The following RBFOX1 variants were observed in gnomAD, a reference collection of about 807,000 sequenced individuals.
RBFOX1 encodes the protein RNA binding fox-1 homolog 1.
Under a neutral mutation model 57.7 loss-of-function variants are expected in RBFOX1, and 8 were observed. That is an observed-to-expected ratio of 0.14 (90% CI 0.08 to 0.25). The LOEUF is 0.25. Among genes scored for constraint, RBFOX1 ranks in the 10% least tolerant of loss-of-function variants. The pLI, the probability that RBFOX1 is intolerant of heterozygous loss-of-function variation, is 1.00. For missense variants in RBFOX1, 611 were observed against 548.5 expected, an observed-to-expected ratio of 1.11 and a Z score of -1.14; for synonymous variants, 326 against 222.4, an observed-to-expected ratio of 1.47 and a Z score of -4.15.
intron 3 of RBFOX1, among the ~76,000 whole-genome samples, chr16:6,792,534 G>A (rs1422098776): frequency 1.3e-5 from 2 of 152,114 alleles, no homozygotes; most frequent in Non-Finnish European, 1.5e-5. Context: ...TCATATAAAG[G>A]TTAAAAATTG....
intron 2 of RBFOX1, among the ~76,000 whole-genome samples, chr16:5,536,424 G>A (rs1162691405): frequency 6.6e-6 from 1 of 151,740 alleles, no homozygotes; most frequent in African/African-American, 2.4e-5. Flanking sequence ...TAGTAGAGAT[G>A]GGATTTCACC....
intron 2 of RBFOX1, among the ~76,000 whole-genome samples, chr16:6,486,825 G>A (rs955470435): frequency 6.6e-6 from 1 of 151,954 alleles, no homozygotes; most frequent in African/African-American, 2.4e-5. Context: ...ATGAGCAGTA[G>A]TCAACAGGAG....
At chr16:6,351,206 C>T (rs1345674441) in intron 2 of RBFOX1, among the ~76,000 whole-genome samples, 1 of 150,478 alleles carries the variant, frequency 6.6e-6, no homozygotes, top group Non-Finnish European at 1.5e-5. Context: ...TTCATGTGTG[C>T]GGATAGTAAA....
At chr16:5,826,525 G>A (rs1422081660) in intron 3 of RBFOX1, among the ~76,000 whole-genome samples, 1 of 152,248 alleles carries the variant, frequency 6.6e-6, no homozygotes, top group East Asian at 1.9e-4. Context: ...TGGCATGAAA[G>A]CAGCCACAGA....
At chr16:7,365,581 G>T (rs1424085343) in intron 4 of RBFOX1, among the ~76,000 whole-genome samples, 1 of 152,194 alleles carries the variant, frequency 6.6e-6, no homozygotes, top group African/African-American at 2.4e-5. Flanking sequence ...CGGGATAGAG[G>T]CCACGGATGT....
chr16:7,627,113 C>T (rs577127484), intron 10 of RBFOX1, among the ~76,000 whole-genome samples: 14 of 143,894 alleles, frequency 9.7e-5, no homozygotes, highest in African/African-American at 3.7e-4. Context: ...CAGGGGAAGC[C>T]CCTCCGCCTC....
intron 2 of RBFOX1, among the ~76,000 whole-genome samples, chr16:6,514,635 G>T (rs989596102): frequency 1.3e-5 from 2 of 152,104 alleles, no homozygotes; most frequent in African/African-American, 4.8e-5. Flanking sequence ...CATGCCCTTT[G>T]TCTGTGTCTC....
intron 4 of RBFOX1, among the ~76,000 whole-genome samples, chr16:5,954,270 C>T (rs1238100800): frequency 1.3e-5 from 2 of 152,178 alleles, no homozygotes; most frequent in African/African-American, 2.4e-5. Context: ...GACCCCCACC[C>T]ACCCACCTCT....
At chr16:5,468,392 C>T (rs550417617) in intron 2 of RBFOX1, among the ~76,000 whole-genome samples, 1 of 152,296 alleles carries the variant, frequency 6.6e-6, no homozygotes, top group African/African-American at 2.4e-5. Flanking sequence ...AGTCTGCATT[C>T]TGTCTCTGTG....
At position 6,728,223 on chromosome 16, in the gene RBFOX1, G is replaced by A. The variant is rs531784342; in HGVS notation, c.-16+73573G>A. 5.3e-5 allele frequency among the ~76,000 whole-genome samples: 8 copies of A among 152,312 alleles called. No individual in the cohort carries two copies. In the East Asian group the frequency reaches 1.2e-3, roughly 22 times the overall value. ...CGGTCATTGTATCACCTTAAGTGAA[G>A]CTTCTGCAGGACTGCTATATTGTGG... On this transcript the variant is annotated intron_variant, in intron 3 of 15. Coordinates refer to ENST00000550418, the MANE Select transcript of RBFOX1 (RefSeq NM_018723.4).
chr16:5,731,150 C>T (rs1390849585), intron 3 of RBFOX1, among the ~76,000 whole-genome samples: 1 of 152,160 alleles, frequency 6.6e-6, no homozygotes, highest in Non-Finnish European at 1.5e-5. Flanking sequence ...CCACCATTAT[C>T]ATTACCATCA....
chr16:5,509,541 G>C (rs984329186), intron 2 of RBFOX1, among the ~76,000 whole-genome samples: 1 of 152,236 alleles, frequency 6.6e-6, no homozygotes, highest in African/African-American at 2.4e-5. Context: ...TGAAGTGGCT[G>C]GCGGCCCAGA....
intron 3 of RBFOX1, among the ~76,000 whole-genome samples, chr16:6,924,729 G>A (rs572677961): frequency 6.0e-5 from 9 of 150,792 alleles, no homozygotes; most frequent in East Asian, 2.0e-4. Flanking sequence ...TGTGCACAAC[G>A]TGCAGGTTTG....
chr16:5,347,451 C>G (rs985413661), intron 1 of RBFOX1, among the ~76,000 whole-genome samples: 1 of 152,110 alleles, frequency 6.6e-6, no homozygotes, highest in African/African-American at 2.4e-5. Context: ...TGACAAAGCA[C>G]TAAATAAGCA....
At chr16:6,841,570 C>T (rs1299434067) in intron 3 of RBFOX1, among the ~76,000 whole-genome samples, 2 of 152,150 alleles carry the variant, frequency 1.3e-5, no homozygotes, top group African/African-American at 4.8e-5. Context: ...GCCCTTTCTC[C>T]TACGAGCTGT....
At chr16:6,610,620 A>G (rs1601459531) in intron 2 of RBFOX1, among the ~76,000 whole-genome samples, 1 of 152,104 alleles carries the variant, frequency 6.6e-6, no homozygotes, top group Non-Finnish European at 1.5e-5. Context: ...GTAAACTACT[A>G]CACCCCACCC....
intron 1 of RBFOX1, among the ~76,000 whole-genome samples, chr16:6,178,817 C>T (rs1598106468): frequency 6.6e-6 from 1 of 152,088 alleles, no homozygotes; most frequent in Non-Finnish European, 1.5e-5. Flanking sequence ...TTAGCAAGGG[C>T]CTGTTTTTCA....
At chr16:7,402,875 C>G (rs539634949) in intron 4 of RBFOX1, among the ~76,000 whole-genome samples, 2 of 152,126 alleles carry the variant, frequency 1.3e-5, no homozygotes, top group Non-Finnish European at 2.9e-5. Context: ...TCATTCAGTC[C>G]TAGACATTGA....
At chr16:7,216,797 A>G (rs888320369) in intron 4 of RBFOX1, among the ~76,000 whole-genome samples, 12 of 152,178 alleles carry the variant, frequency 7.9e-5, no homozygotes, top group African/African-American at 2.7e-4. Flanking sequence ...TTAGGGTAGC[A>G]GTTCCTGGTA....
Sources: gnomAD v4.1 joint callset for allele counts (sites outside exome capture counted in the v4.1 genomes callset) on GRCh38, gnomAD v4.1.1 for gene constraint, MANE v1.5 for transcripts, NCBI Gene and HGNC (gene_info 2026-07-23, HGNC 2026-07-21) for gene names.